NCAPH: variants seen among roughly 807,000 people sequenced by gnomAD.
The protein encoded by NCAPH is condensin complex subunit 2.
NCAPH carries 38 observed loss-of-function variants against 85.5 expected under a neutral mutation model. The observed-to-expected ratio is 0.44, with a 90% confidence interval of 0.34 to 0.58. The LOEUF is 0.58. Ranked by LOEUF, NCAPH falls within the 20% of genes least tolerant of loss-of-function variation. The probability of loss-of-function intolerance (pLI) is 0.01; values close to 1 mark genes in which losing one functional copy is unlikely to be tolerated. For synonymous variants in NCAPH, 301 were observed against 335.1 expected, an observed-to-expected ratio of 0.90 and a Z score of 1.11; for missense variants, 789 against 916.6, an observed-to-expected ratio of 0.86 and a Z score of 1.80.
chr2:96,344,218 C>T lies in NCAPH; in HGVS notation c.709C>T (p.Arg237Trp), dbSNP rs762237867. Residue 237 changes from arginine (R) to tryptophan (W), a missense_variant, in exon 6 of 18, where the codon CGG becomes TGG. By Grantham distance (101) the Arg-to-Trp change is moderately radical. Transcript: ENST00000240423. ...CAACCTCAATGTCTCCGAAGCAGAT[C>T]GGAAGTGTGAGGTGAGGAACTGTAT... ...INNLNVSEAD[R>W]KCEIDPMFQK... is the part of the protein sequence containing the mutation. The T allele has an allele frequency of 8.1e-6, 13 of 1,609,480 alleles. No individual in the cohort carries two copies. Among genetic ancestry groups the T allele is most frequent in the African/African-American group, 1.3e-5 (1 of 74,626 alleles).
Position 96,367,266 on chromosome 2 carries a change from A to G in NCAPH, c.1891A>G (p.Ile631Val). Residue 631 changes from isoleucine to valine, a missense_variant, in exon 15 of 18, where the codon ATT becomes GTT. By Grantham distance (29) the Ile-to-Val change is conservative. Coordinates refer to ENST00000240423, the MANE Select transcript of NCAPH (RefSeq NM_015341.5). ...LVAEPQKVNK[I>V]EIHYAKTAKK... The stretch of plus-strand genomic sequence containing the variant: ...CATATACCTATTTCAGGTAAATAAA[A>G]TTGAAATTCACTATGCCAAGACTGC... 1 of 1,609,916 alleles carries G rather than the reference A, an allele frequency of 6.2e-7. No individual in the cohort carries two copies. Among genetic ancestry groups the G allele is most frequent in the Non-Finnish European group, 8.5e-7 (1 of 1,176,532 alleles).
intron 1 of NCAPH, among the ~76,000 whole-genome samples, chr2:96,337,037 A>T (rs541790565): frequency 6.6e-6 from 1 of 152,348 alleles, no homozygotes; most frequent in South Asian, 2.1e-4. Context: ...GATAGTTCTC[A>T]TGAAGTTGGA....
At chr2:96,343,421 A>G in intron 5 of NCAPH, 117 bp downstream of exon 5, 1 of 1,296,010 alleles carries the variant, frequency 7.7e-7, no homozygotes, top group Non-Finnish European at 1.0e-6. Flanking sequence ...TATTGAAGAC[A>G]GGGCATTTTT....
chr2:96,348,852 G>A (rs988870231), intron 6 of NCAPH, among the ~76,000 whole-genome samples: 2 of 151,788 alleles, frequency 1.3e-5, no homozygotes, highest in African/African-American at 4.8e-5. Flanking sequence ...GTTTCACCAT[G>A]GTGACCAGGC....
chr2:96,345,469 C>T (rs1290423394), intron 6 of NCAPH, among the ~76,000 whole-genome samples: 1 of 152,216 alleles, frequency 6.6e-6, no homozygotes, highest in Non-Finnish European at 1.5e-5. Flanking sequence ...GGCTCTGCTG[C>T]AGCCGGGGTG....
intron 16 of NCAPH, 105 bp from the exon 17 acceptor site, chr2:96,369,320 T>G: frequency 9.9e-7 from 1 of 1,009,452 alleles, no homozygotes; most frequent in Non-Finnish European, 1.5e-6. Context: ...AAAGATTTGT[T>G]TCTCATTAGT....
In NCAPH at chr2:96,373,382, C is replaced by T; in HGVS notation, c.*31C>T. On this transcript the variant is annotated 3_prime_UTR_variant, in exon 18 of 18. Coordinates refer to ENST00000240423, the MANE Select transcript of NCAPH (RefSeq NM_015341.5). ...CTATGGAGAAGTCAGCAGCAGGAGG[C>T]CCATCCCTTACTCAGTTGCCGGGAC... The T allele has an allele frequency of 1.2e-6, 2 of 1,600,030 alleles. No individual in the cohort carries two copies. The highest frequency in any genetic ancestry group is 1.7e-6 in the Non-Finnish European group (2 of 1,167,884).
intron 12 of NCAPH, among the ~76,000 whole-genome samples, chr2:96,361,769 C>CACAT (rs1420763895): frequency 8.7e-6 from 1 of 114,976 alleles, no homozygotes; most frequent in African/African-American, 3.5e-5. Context: ...TATATATATA[C>CACAT]ATATATATAT....
At chr2:96,368,646 A>C (rs1043590587) in intron 15 of NCAPH, among the ~76,000 whole-genome samples, 1 of 151,144 alleles carries the variant, frequency 6.6e-6, no homozygotes, top group Non-Finnish European at 1.5e-5. Flanking sequence ...ACAGAGCGAG[A>C]CTCCGTCTCA....
In NCAPH at chr2:96,375,046, A is replaced by C. The variant is rs1380995897; in HGVS notation, c.*1695A>C. ...CAAAATAGAACCCCATCTTTAAAAA[A>C]AAAGTTTAAAAATTAGCCAGGTACG... On this transcript the variant is annotated 3_prime_UTR_variant, in exon 18 of 18. Transcript: ENST00000240423. Among the ~76,000 whole-genome samples, 1 of 152,182 alleles carries C rather than the reference A, an allele frequency of 6.6e-6. No homozygotes were observed. The highest frequency in any genetic ancestry group is 1.5e-5 in the Non-Finnish European group (1 of 68,030).
intron 7 of NCAPH, among the ~76,000 whole-genome samples, chr2:96,352,333 C>T (rs1207020647): frequency 6.6e-6 from 1 of 152,140 alleles, no homozygotes; most frequent in Non-Finnish European, 1.5e-5. Flanking sequence ...CCTGGAGTGT[C>T]AGTTTGTTCT....
At chr2:96,364,875 A>G (rs1490229485) in intron 13 of NCAPH, among the ~76,000 whole-genome samples, 1 of 152,198 alleles carries the variant, frequency 6.6e-6, no homozygotes, top group Admixed American at 6.5e-5. Context: ...CCTCTGCTAC[A>G]AAGTACTAAT....
chr2:96,365,019 CAG>C (rs1461225408), intron 13 of NCAPH, among the ~76,000 whole-genome samples: 1 of 152,132 alleles, frequency 6.6e-6, no homozygotes, highest in Non-Finnish European at 1.5e-5. Flanking sequence ...GGGTGTATCT[CAG>C]ATGACCAGAT....
In NCAPH at chr2:96,339,480, T is replaced by C. The variant is rs1029507388; in HGVS notation, c.20-2162T>C. Among the ~76,000 whole-genome samples the C allele has an allele frequency of 8.6e-5, 13 of 151,216 alleles. 1 individual carries two copies. Among genetic ancestry groups the C allele is most frequent in the Non-Finnish European group, 1.8e-4 (12 of 67,936 alleles). On this transcript the variant is annotated intron_variant, in intron 1 of 17. Transcript: ENST00000240423. ...GGTGGCGGGCGCCTGTAGTCCCAGC[T>C]ACTCAGGAGGCTGAGGCAGGAGAAT...
At chr2:96,348,150 G>A (rs901197172) in intron 6 of NCAPH, among the ~76,000 whole-genome samples, 8 of 151,850 alleles carry the variant, frequency 5.3e-5, no homozygotes, top group South Asian at 2.1e-4. Context: ...ACCACATCTC[G>A]GTTTTATATT....
intron 3 of NCAPH, among the ~76,000 whole-genome samples, chr2:96,342,509 G>A (rs189397223): frequency 1.2e-4 from 18 of 152,314 alleles, no homozygotes; most frequent in Admixed American, 1.2e-3. Context: ...GTCCCTTTGT[G>A]TGCAGTGCTT....
intron 13 of NCAPH, 113 bp downstream of exon 13, chr2:96,364,704 T>C: frequency 1.3e-6 from 1 of 755,636 alleles, no homozygotes; most frequent in South Asian, 1.7e-5. Flanking sequence ...TTGAATCCAG[T>C]GGAGGTTTTC....
chr2:96,355,787 G>A (rs1412546221), intron 9 of NCAPH, among the ~76,000 whole-genome samples: 13 of 151,608 alleles, frequency 8.6e-5, no homozygotes, highest in African/African-American at 2.7e-4. Flanking sequence ...GACTACAGGC[G>A]CCCGCCACCA....
At chr2:96,344,367 C>A in intron 6 of NCAPH, 138 bp downstream of exon 6, 3 of 921,970 alleles carry the variant, frequency 3.3e-6, no homozygotes, top group Non-Finnish European at 3.0e-6. Flanking sequence ...GATATCTCTG[C>A]ATTATCATCT....
Sources: allele counts gnomAD v4.1 joint callset (sites outside exome capture counted in the v4.1 genomes callset), GRCh38; gene constraint gnomAD v4.1.1; transcripts MANE v1.5; gene names NCBI Gene and HGNC (gene_info 2026-07-23, HGNC 2026-07-21).